CDH3: variants seen among roughly 807,000 people sequenced by gnomAD.
The protein encoded by CDH3 is cadherin-3.
Under a neutral mutation model 82.0 loss-of-function variants are expected in CDH3, and 54 were observed. That is an observed-to-expected ratio of 0.66 (90% CI 0.53 to 0.83). The LOEUF (loss-of-function observed/expected upper bound fraction) is 0.83. Among genes scored for constraint, CDH3 ranks in the 40% least tolerant of loss-of-function variants. The probability of loss-of-function intolerance (pLI) is 0.00; values close to 1 mark genes in which losing one functional copy is unlikely to be tolerated. For missense variants in CDH3, 1,054 were observed against 1,084.6 expected (o/e 0.97, Z 0.40); for synonymous variants, 446 against 437.9 (o/e 1.02, Z -0.23).
At chr16:68,660,426 GA>G (rs1960531650) in intron 2 of CDH3, among the ~76,000 whole-genome samples, 1 of 152,204 alleles carries the variant, frequency 6.6e-6, no homozygotes, top group Non-Finnish European at 1.5e-5. Context: ...GAGAGATTGA[GA>G]ATGTGTCATC....
intron 2 of CDH3, among the ~76,000 whole-genome samples, chr16:68,724,976 G>A (rs185548068): frequency 1.3e-5 from 2 of 152,236 alleles, no homozygotes; most frequent in African/African-American, 4.8e-5. Flanking sequence ...CAGAGTTCTG[G>A]CACCTGATTC....
At chr16:68,711,608 G>A (rs118073306) in intron 1 of CDH3, among the ~76,000 whole-genome samples, 4,288 of 152,304 alleles carry the variant, frequency 0.028, 95 homozygotes, top group Non-Finnish European at 0.043. Context: ...GAGAGGGGAC[G>A]GGGAAGTGGC....
At chr16:68,703,193 G>A (rs116479831), downstream of CDH3, among the ~76,000 whole-genome samples, 1,111 of 152,288 alleles carry the variant, frequency 7.3e-3, 8 homozygotes, top group African/African-American at 0.018. Flanking sequence ...CCCACAGTGC[G>A]CTTTCCCAGT....
chr16:68,698,546 A>T lies in CDH3; in HGVS notation c.*146A>T. The T allele has an allele frequency of 1.4e-6, 1 of 700,844 alleles. No individual in the cohort carries two copies. The allele number at this position is 700,844 out of a possible 1,614,324, so 43.4% of individuals were successfully genotyped here. ...GGAGACAGGCTATGAGTCTGACGTT[A>T]GAGTGGTGGCTTCCTTAGCCTTTCA... On this transcript the variant is annotated 3_prime_UTR_variant, in exon 16 of 16. Coordinates refer to ENST00000264012, the MANE Select transcript of CDH3 (RefSeq NM_001793.6).
intron 2 of CDH3, among the ~76,000 whole-genome samples, chr16:68,668,114 A>C (rs1279012776): frequency 6.6e-6 from 1 of 152,134 alleles, no homozygotes; most frequent in African/African-American, 2.4e-5. Context: ...CTTGTGGGAG[A>C]AACTGAGGCT....
In CDH3 at chr16:68,645,503, C is replaced by A. The variant is rs564278343; in HGVS notation, c.45+79C>A. 1,078 of 1,521,158 alleles carry A rather than the reference C, an allele frequency of 7.1e-4. 13 individuals are homozygous for A. The African/African-American group carries it at 0.014, about 20-fold the overall frequency. The allele number at this position is 1,521,158 out of a possible 1,614,324, so 94.2% of individuals were successfully genotyped here. A position where few individuals can be genotyped will look rare whatever the true frequency, so the allele number is the denominator to read the frequency against. On this transcript the variant is annotated intron_variant, in intron 1 of 15. Transcript: ENST00000264012. ...CGGGGTCCGCATGGGGCAGTGGCGTCGGGGAGAGCGCGGGGCTGCGCTCCC... is the reference window on the plus strand; with the variant it reads ...CGGGGTCCGCATGGGGCAGTGGCGTAGGGGAGAGCGCGGGGCTGCGCTCCC...
Position 68,685,304 on chromosome 16 carries a change from T to C in CDH3, c.1524T>C (p.Phe508=), listed in dbSNP as rs1961376544. The change falls in exon 11 of 16, where the codon TTT becomes TTC. Residue 508 remains phenylalanine, a synonymous_variant. Transcript: ENST00000264012. ...VGTLDREDEQ[F]VRNNIYEVMV... ...CCCTCGACCGTGAGGATGAGCAGTT[T>C]GTGAGGAACAACATCTATGAAGTCA... 1.2e-6 allele frequency: 2 copies of C among 1,614,036 alleles called. No homozygotes were observed. Among genetic ancestry groups the C allele is most frequent in the African/African-American group, 2.7e-5 (2 of 74,912 alleles).
In CDH3 at chr16:68,684,495, T is replaced by G. The variant is rs1961341972; in HGVS notation, c.1183-88T>G. 13 of 1,482,806 alleles carry G rather than the reference T, an allele frequency of 8.8e-6. No individual in the cohort carries two copies. In the South Asian group the frequency reaches 1.5e-4, roughly 17 times the overall value. The allele number at this position is 1,482,806 out of a possible 1,614,324, so 91.9% of individuals were successfully genotyped here. ...GTGAGGGCCTCAAGCCCCTCAGTATTGGTGTTTTCCTTCTCACATCTCAAC... is the reference window on the plus strand; with the variant it reads ...GTGAGGGCCTCAAGCCCCTCAGTATGGGTGTTTTCCTTCTCACATCTCAAC... On this transcript the variant is annotated intron_variant, in intron 9 of 15. Transcript: ENST00000264012.
rs1039910222 is a variant in CDH3, at chr16:68,698,514, A to C, written c.*114A>C. The C allele has an allele frequency of 2.2e-5, 20 of 916,492 alleles. No homozygotes were observed. The Admixed American group carries it at 4.2e-4, about 19-fold the overall frequency. 56.8% of individuals were successfully genotyped at this position (916,492 alleles called of 1,614,324 possible). On this transcript the variant is annotated 3_prime_UTR_variant, in exon 16 of 16. Coordinates refer to ENST00000264012, the MANE Select transcript of CDH3 (RefSeq NM_001793.6). The stretch of plus-strand genomic sequence containing the variant: ...AGCTTGTCAGGAAGTGGCCGTAGCA[A>C]CTTGGCGGAGACAGGCTATGAGTCT...
chr16:68,716,855 C>T (rs1962100844), intron 1 of CDH3, among the ~76,000 whole-genome samples: 1 of 151,384 alleles, frequency 6.6e-6, no homozygotes, highest in South Asian at 2.1e-4. Flanking sequence ...TCCCAAGTAA[C>T]TGGGACTACA....
At chr16:68,656,463 C>G (rs1960413462) in intron 2 of CDH3, among the ~76,000 whole-genome samples, 1 of 152,152 alleles carries the variant, frequency 6.6e-6, no homozygotes, top group African/African-American at 2.4e-5. Context: ...CCAGATACCA[C>G]CTAATAGCTT....
intron 12 of CDH3, among the ~76,000 whole-genome samples, chr16:68,690,553 C>T (rs1446556701): frequency 6.6e-6 from 1 of 152,014 alleles, no homozygotes; most frequent in Non-Finnish European, 1.5e-5. Context: ...GCAGAGGTTG[C>T]AGTGAGCTGA....
rs757144054 is a variant in CDH3, at chr16:68,698,310, C to G, written c.2400C>G (p.Ser800=). 6.2e-7 allele frequency: 1 copy of G among 1,614,128 alleles called. No individual in the cohort carries two copies. Among genetic ancestry groups the G allele is most frequent in the East Asian group, 2.2e-5 (1 of 44,898 alleles). ...TGAGCTCCCTCACCTCCTCCGCCTC[C>G]GACCAAGACCAAGATTACGATTATC... is the stretch of plus-strand genomic sequence containing the variant. ...ASLSSLTSSA[S]DQDQDYDYLN... Residue 800 remains serine (S), a synonymous_variant, in exon 16 of 16, where the codon TCC becomes TCG. Coordinates refer to ENST00000264012, the MANE Select transcript of CDH3 (RefSeq NM_001793.6).
At chr16:68,732,372 A>C (rs1289046899), downstream of CDH3, among the ~76,000 whole-genome samples, 1 of 152,228 alleles carries the variant, frequency 6.6e-6, no homozygotes, top group Non-Finnish European at 1.5e-5. Context: ...ACCCCTTGCC[A>C]GGAGATGAAA....
chr16:68,662,069 C>A (rs868050059), intron 2 of CDH3, among the ~76,000 whole-genome samples: 1 of 152,136 alleles, frequency 6.6e-6, no homozygotes, highest in African/African-American at 2.4e-5. Context: ...GGGTTTTTCA[C>A]TGGGGAATCT....
Position 68,693,652 on chromosome 16 carries a change from G to C in CDH3, c.2003-1603G>C, listed in dbSNP as rs139850667. Among the ~76,000 whole-genome samples the C allele has an allele frequency of 4.6e-5, 7 of 152,234 alleles. No individual in the cohort carries two copies. The East Asian group carries it at 9.7e-4, about 21-fold the overall frequency. Reference sequence around the variant, plus strand: ...CAGACTCGGGAGAGGAGAGGTTACTGTCTAGCCCACATGTGCATGCATCTT... The same window carrying C: ...CAGACTCGGGAGAGGAGAGGTTACTCTCTAGCCCACATGTGCATGCATCTT... On this transcript the variant is annotated intron_variant, in intron 13 of 15. Coordinates refer to ENST00000264012, the MANE Select transcript of CDH3 (RefSeq NM_001793.6).
At chr16:68,726,125 A>T (rs1312086989) in intron 2 of CDH3, among the ~76,000 whole-genome samples, 1 of 152,130 alleles carries the variant, frequency 6.6e-6, no homozygotes, top group African/African-American at 2.4e-5. Flanking sequence ...GCTGGGAACC[A>T]CTGTGCCAGG....
chr16:68,724,408 C>T (rs1962197158), intron 2 of CDH3, among the ~76,000 whole-genome samples: 1 of 151,738 alleles, frequency 6.6e-6, no homozygotes, highest in Admixed American at 6.6e-5. Flanking sequence ...CACTTGAGAC[C>T]AGGAGTTCAA....
intron 2 of CDH3, among the ~76,000 whole-genome samples, chr16:68,666,606 T>G: frequency 6.6e-6 from 1 of 152,206 alleles, no homozygotes; most frequent in African/African-American, 2.4e-5. Context: ...GGTTTTCTTG[T>G]GCGTGGAAAA....
Sources: gnomAD v4.1 joint callset for allele counts (sites outside exome capture counted in the v4.1 genomes callset) on GRCh38, gnomAD v4.1.1 for gene constraint, MANE v1.5 for transcripts, NCBI Gene and HGNC (gene_info 2026-07-23, HGNC 2026-07-21) for gene names.